TOX: variants seen among roughly 807,000 people sequenced by gnomAD.
The protein encoded by TOX is thymocyte selection-associated high mobility group box protein TOX.
TOX carries 11 observed loss-of-function variants against 53.7 expected under a neutral mutation model. That is an observed-to-expected ratio of 0.20 (90% CI 0.13 to 0.34). The LOEUF is 0.34. TOX is among the 10% of genes least tolerant of loss of function. The pLI is 1.00. For missense variants in TOX, 570 were observed against 664.6 expected (o/e 0.86, Z 1.56); for synonymous variants, 225 against 245.3 (o/e 0.92, Z 0.77).
chr8:59,091,760 T>C (rs1804611396), intron 1 of TOX, among the ~76,000 whole-genome samples: 1 of 152,154 alleles, frequency 6.6e-6, no homozygotes, highest in Non-Finnish European at 1.5e-5. Context: ...ACCAAGCATC[T>C]ACATCTGATT....
At chr8:58,943,253 G>T (rs1812471351) in intron 2 of TOX, among the ~76,000 whole-genome samples, 1 of 152,120 alleles carries the variant, frequency 6.6e-6, no homozygotes. Context: ...GGGCCCCTTG[G>T]GTGACTGCTG....
intron 2 of TOX, among the ~76,000 whole-genome samples, chr8:58,939,746 T>TA (rs1218201187): frequency 6.6e-6 from 1 of 152,360 alleles, no homozygotes; most frequent in Admixed American, 6.5e-5. Context: ...ACTTCTCGTA[T>TA]AAAGACCACT....
chr8:59,027,849 T>A (rs1417623406), intron 1 of TOX, among the ~76,000 whole-genome samples: 1 of 152,130 alleles, frequency 6.6e-6, no homozygotes, highest in Non-Finnish European at 1.5e-5. Flanking sequence ...TGGTAATAGG[T>A]CCTTTCTTGC....
rs529639393 is a variant in TOX, at chr8:58,939,540, T to A, written c.173A>T (p.Tyr58Phe). The A allele has an allele frequency of 5.0e-6, 8 of 1,606,056 alleles. No homozygotes were observed. The highest frequency in any genetic ancestry group is 6.8e-6 in the Non-Finnish European group (8 of 1,175,120). ...SQDYVPASQS[Y>F]PGPSLESEDF... ...TTCACTTTCCAGGCTTGGACCAGGG[T>A]AGGACTGTGAAAAGACAAAAGTGAC... Residue 58 changes from tyrosine (Y) to phenylalanine (F), a missense_variant, in exon 3 of 9, where the codon TAC becomes TTC. Tyr to Phe is a conservative substitution (Grantham distance 22, BLOSUM62 3). Coordinates refer to ENST00000361421, the MANE Select transcript of TOX (RefSeq NM_014729.3).
At chr8:59,036,799 T>C (rs150636087) in intron 1 of TOX, among the ~76,000 whole-genome samples, 34 of 152,356 alleles carry the variant, frequency 2.2e-4, no homozygotes, top group Non-Finnish European at 4.6e-4. Flanking sequence ...TGATGTTATT[T>C]GTCTTAATAA....
chr8:58,843,287 T>C lies in TOX; in HGVS notation c.694-4976A>G, dbSNP rs372850744. ...ACCAATCTAAAGGATACACATAAAA[T>C]ATTCATTACTCAAGATTCACTGCCT... On this transcript the variant is annotated intron_variant, in intron 4 of 8. Transcript: ENST00000361421. 1.3e-4 allele frequency among the ~76,000 whole-genome samples: 20 copies of C among 152,292 alleles called. No individual in the cohort carries two copies. The East Asian group carries it at 2.7e-3, about 21-fold the overall frequency.
At chr8:59,042,807 G>T (rs1326152267) in intron 1 of TOX, among the ~76,000 whole-genome samples, 1 of 152,098 alleles carries the variant, frequency 6.6e-6, no homozygotes, top group East Asian at 1.9e-4. Flanking sequence ...TCTTGAGAGT[G>T]TTCTTTTATA....
intron 3 of TOX, among the ~76,000 whole-genome samples, chr8:58,891,782 T>C (rs952993308): frequency 1.3e-5 from 2 of 152,226 alleles, no homozygotes; most frequent in African/African-American, 4.8e-5. Flanking sequence ...GAAGCAACTC[T>C]GCTTTCTCAT....
At chr8:59,069,311 G>T (rs1804151251) in intron 1 of TOX, among the ~76,000 whole-genome samples, 1 of 152,160 alleles carries the variant, frequency 6.6e-6, no homozygotes, top group South Asian at 2.1e-4. Context: ...TGCTGGCTGG[G>T]GTCGCCAGGT....
chr8:58,907,167 A>G (rs935257886), intron 3 of TOX, among the ~76,000 whole-genome samples: 1 of 152,192 alleles, frequency 6.6e-6, no homozygotes, highest in Non-Finnish European at 1.5e-5. Context: ...GGCACTTGAT[A>G]GCTCCATTCT....
At chr8:58,873,252 T>C (rs1238709935) in intron 3 of TOX, among the ~76,000 whole-genome samples, 1 of 152,156 alleles carries the variant, frequency 6.6e-6, no homozygotes, top group Non-Finnish European at 1.5e-5. Flanking sequence ...ACTAAAGATA[T>C]GCTGCATAAA....
chr8:59,026,861 A>T (rs181466103), intron 1 of TOX, among the ~76,000 whole-genome samples: 15 of 151,722 alleles, frequency 9.9e-5, no homozygotes, highest in African/African-American at 3.4e-4. Context: ...AGACAATTTA[A>T]TACATTTATA....
At chr8:58,863,944 C>G (rs1016333312) in intron 3 of TOX, among the ~76,000 whole-genome samples, 41 of 151,906 alleles carry the variant, frequency 2.7e-4, no homozygotes, top group African/African-American at 9.4e-4. Flanking sequence ...GTCTGCATTG[C>G]ATTAAAATTG....
intron 3 of TOX, among the ~76,000 whole-genome samples, chr8:58,852,138 T>C (rs916669772): frequency 2.6e-5 from 4 of 152,116 alleles, no homozygotes; most frequent in Admixed American, 1.3e-4. Flanking sequence ...TATTACAGCA[T>C]GATCATATTT....
chr8:58,994,180 G>T (rs947224121), intron 1 of TOX, among the ~76,000 whole-genome samples: 3 of 152,178 alleles, frequency 2.0e-5, no homozygotes, highest in African/African-American at 4.8e-5. Flanking sequence ...ATTGACTTTA[G>T]TCTAGAAAAG....
chr8:59,042,423 T>C (rs1003455669), intron 1 of TOX, among the ~76,000 whole-genome samples: 25 of 152,222 alleles, frequency 1.6e-4, no homozygotes, highest in African/African-American at 5.8e-4. Flanking sequence ...TTTTGTCAGA[T>C]ACCACCTTTG....
chr8:59,005,897 C>T (rs1813783031), intron 1 of TOX, among the ~76,000 whole-genome samples: 1 of 152,196 alleles, frequency 6.6e-6, no homozygotes, highest in Non-Finnish European at 1.5e-5. Context: ...AGTTCTGATG[C>T]ATTTTCTTTC....
chr8:59,106,556 C>A (rs529819369), intron 1 of TOX, among the ~76,000 whole-genome samples: 1 of 152,130 alleles, frequency 6.6e-6, no homozygotes, highest in Non-Finnish European at 1.5e-5. Context: ...AGTACACATA[C>A]ACCTTTCTCT....
At chr8:58,986,715 G>A (rs1290350201) in intron 1 of TOX, among the ~76,000 whole-genome samples, 3 of 152,156 alleles carry the variant, frequency 2.0e-5, no homozygotes, top group South Asian at 4.1e-4. Context: ...GTTCAAGTCT[G>A]GGCTCATCAA....
Sources: gnomAD v4.1 joint callset for allele counts (sites outside exome capture counted in the v4.1 genomes callset) on GRCh38, gnomAD v4.1.1 for gene constraint, MANE v1.5 for transcripts, NCBI Gene and HGNC (gene_info 2026-07-23, HGNC 2026-07-21) for gene names.